Variants in ATP2C2 observed in about 807,000 individuals in gnomAD.
ATP2C2 encodes ATPase secretory pathway Ca2+ transporting 2, also known as calcium-transporting ATPase type 2C member 2.
In ATP2C2, 171 loss-of-function variants were observed where a neutral mutation model predicts 110.8. That is an observed-to-expected ratio of 1.54 (90% confidence interval 1.36 to 1.75). The LOEUF is 1.75. Ranked by LOEUF, ATP2C2 falls within the 40% of genes most tolerant of loss-of-function variation. The pLI is 0.00. For synonymous variants in ATP2C2, 804 were observed against 508.4 expected (o/e 1.58, Z -7.82); for missense variants, 1,963 against 1,235.0 (o/e 1.59, Z -8.84).
chr16:84,453,477 G>A (rs965171221), intron 20 of ATP2C2, 106 bp downstream of exon 20: 19 of 1,451,070 alleles, frequency 1.3e-5, no homozygotes, highest in African/African-American at 4.2e-5. Flanking sequence ...GGGCCCGACC[G>A]TGGCTTCCTT....
chr16:84,412,006 T>A (rs1231489646), intron 6 of ATP2C2, among the ~76,000 whole-genome samples: 1 of 151,154 alleles, frequency 6.6e-6, no homozygotes, highest in African/African-American at 2.5e-5. Context: ...TCTTTCTTTT[T>A]CTTTTTGTTG....
intron 3 of ATP2C2, among the ~76,000 whole-genome samples, chr16:84,407,657 A>G (rs1905895316): frequency 6.6e-6 from 1 of 152,036 alleles, no homozygotes; most frequent in Admixed American, 6.6e-5. Context: ...TTTTTTGTAA[A>G]GATGGGATTT....
rs1911649340 is a variant in ATP2C2 at position 84,463,814 on chromosome 16, A to G, written c.*82A>G. On this transcript the variant is annotated 3_prime_UTR_variant, in exon 27 of 27. Coordinates refer to ENST00000262429, the MANE Select transcript of ATP2C2 (RefSeq NM_014861.4). Reference sequence around the variant, plus strand: ...CCCTGCCGTGTCTCCTCGTCAGGGGAGACTTTTAGGAGGCCGCAGCCTTCC... The same window carrying G: ...CCCTGCCGTGTCTCCTCGTCAGGGGGGACTTTTAGGAGGCCGCAGCCTTCC... 2.3e-6 allele frequency: 3 copies of G among 1,286,690 alleles called. No individual in the cohort carries two copies. The highest frequency in any genetic ancestry group is 3.4e-6 in the Non-Finnish European group (3 of 891,652). 79.7% of individuals were successfully genotyped at this position (1,286,690 alleles called of 1,614,324 possible).
rs1371388574 is a variant in ATP2C2 at position 84,408,408 on chromosome 16, A to C, written c.331A>C (p.Lys111Gln). 1 of 1,613,792 alleles carries C rather than the reference A, an allele frequency of 6.2e-7. No homozygotes were observed. The highest frequency in any genetic ancestry group is 1.1e-5 in the South Asian group (1 of 91,070). The change falls in exon 4 of 27, where the codon AAG becomes CAG. Residue 111 changes from lysine (K) to glutamine (Q), a missense_variant. Physicochemically the swap from Lys to Gln is moderately conservative, Grantham distance 53 (BLOSUM62 1). Transcript: ENST00000262429. ...CACCCTGTTATTTCCTCTTCAGTTT[A>C]AGAACCCCCTGATCCTGCTGCTGCT... ...PVWKKYLDQF[K>Q]NPLILLLLGS...
At chr16:84,451,359 A>G (rs1910243495) in intron 17 of ATP2C2, among the ~76,000 whole-genome samples, 1 of 152,198 alleles carries the variant, frequency 6.6e-6, no homozygotes, top group Non-Finnish European at 1.5e-5. Context: ...GACACAGCCA[A>G]ACCATATCAA....
chr16:84,454,733 C>G lies in ATP2C2; in HGVS notation c.1981-85C>G, dbSNP rs1301888555. The G allele has an allele frequency of 4.3e-6, 6 of 1,398,940 alleles. No individual in the cohort carries two copies. The African/African-American group carries it at 7.3e-5, about 17-fold the overall frequency. 86.7% of individuals were successfully genotyped at this position (1,398,940 alleles called of 1,614,324 possible). ...CCGGGTGCCCTCCAGACAGAGGTGT[C>G]TGTGGCTGGCCACAGGGTGTGCATG... On this transcript the variant is annotated intron_variant, in intron 20 of 26. Transcript: ENST00000262429.
chr16:84,374,010 G>A (rs1219892403), intron 1 of ATP2C2, among the ~76,000 whole-genome samples: 1 of 152,194 alleles, frequency 6.6e-6, no homozygotes, highest in Admixed American at 6.5e-5. Context: ...CAATTTTAAG[G>A]CTGTCATCTG....
intron 26 of ATP2C2, 38 bp downstream of exon 26, chr16:84,462,167 C>T (rs1484604393): frequency 1.3e-6 from 2 of 1,592,376 alleles, no homozygotes; most frequent in Non-Finnish European, 1.7e-6. Context: ...TGACCTCGAC[C>T]AGGGCCATGG....
intron 16 of ATP2C2, 41 bp downstream of exon 16, chr16:84,446,471 C>CG: frequency 1.4e-6 from 2 of 1,439,654 alleles, no homozygotes; most frequent in Non-Finnish European, 1.9e-6. Flanking sequence ...TCTTTCTGCC[C>CG]GGGCCCCCAC....
intron 11 of ATP2C2, among the ~76,000 whole-genome samples, chr16:84,426,472 C>G (rs1310936316): frequency 6.6e-6 from 1 of 152,102 alleles, no homozygotes; most frequent in Non-Finnish European, 1.5e-5. Context: ...GGGTTTGGGT[C>G]TTTCTGGCTA....
rs767896887 is a variant in ATP2C2 at position 84,453,142 on chromosome 16, A to G, written c.1836A>G (p.Arg612=). 50 of 1,610,384 alleles carry G rather than the reference A, an allele frequency of 3.1e-5. No individual in the cohort carries two copies. The highest frequency in any genetic ancestry group is 3.3e-4 in the Middle Eastern group (2 of 6,056). Residue 612 remains arginine, a synonymous_variant, in exon 19 of 27, where the codon AGA becomes AGG. Coordinates refer to ENST00000262429, the MANE Select transcript of ATP2C2 (RefSeq NM_014861.4). ...DALETALAIG[R]NIGLCNGKLQ... is the part of the protein sequence containing the mutation. Reference sequence around the variant, plus strand: ...TCAGAACAGGTTCTTCTGAAGGAAGAAACATCGGCCTGTGCAACGGGAAGC... The same window carrying G: ...TCAGAACAGGTTCTTCTGAAGGAAGGAACATCGGCCTGTGCAACGGGAAGC...
In ATP2C2 at chr16:84,439,241, G is replaced by A. The variant is rs1278380337; in HGVS notation, c.1062G>A (p.Met354Ile). Residue 354 changes from methionine to isoleucine, a missense_variant, in exon 12 of 27, where the codon ATG becomes ATA. By Grantham distance (10) the Met-to-Ile change is conservative. Coordinates refer to ENST00000262429, the MANE Select transcript of ATP2C2 (RefSeq NM_014861.4). Reference protein sequence around the residue: ...MVTLVLGVLRMAKKRVIVKKL... With the variant: ...MVTLVLGVLRIAKKRVIVKKL... Reference sequence around the variant, plus strand: ...CGCTGGTCCTGGGAGTGCTGCGGATGGCCAAGAAGCGGGTCATCGTGAAGA... The same window carrying A: ...CGCTGGTCCTGGGAGTGCTGCGGATAGCCAAGAAGCGGGTCATCGTGAAGA... 6.2e-7 allele frequency: 1 copy of A among 1,612,388 alleles called. No homozygotes were observed.
At chr16:84,407,855 A>T (rs868023468) in intron 3 of ATP2C2, among the ~76,000 whole-genome samples, 1 of 152,134 alleles carries the variant, frequency 6.6e-6, no homozygotes, top group South Asian at 2.1e-4. Flanking sequence ...TTTCTTTTCA[A>T]TCCTCTGTAA....
chr16:84,423,153 C>G (rs1467931768), intron 9 of ATP2C2, 35 bp from the exon 10 acceptor site: 1 of 1,578,908 alleles, frequency 6.3e-7, no homozygotes, highest in African/African-American at 1.4e-5. Flanking sequence ...AAGCTAGGAT[C>G]TTGTCCAACT....
chr16:84,463,790 C>T lies in ATP2C2; in HGVS notation c.*58C>T. The T allele has an allele frequency of 6.9e-7, 1 of 1,442,022 alleles. No individual in the cohort carries two copies. Among genetic ancestry groups the T allele is most frequent in the Non-Finnish European group, 9.8e-7 (1 of 1,025,344 alleles). The allele number at this position is 1,442,022 out of a possible 1,614,324, so 89.3% of individuals were successfully genotyped here. A position where few individuals can be genotyped will look rare whatever the true frequency, so the allele number is the denominator to read the frequency against. On this transcript the variant is annotated 3_prime_UTR_variant, in exon 27 of 27. Transcript: ENST00000262429. ...TCTCGATCTGGTTGTGACTGTGGCC[C>T]CTGCCGTGTCTCCTCGTCAGGGGAG...
At chr16:84,431,774 A>G (rs1245768425) in intron 11 of ATP2C2, among the ~76,000 whole-genome samples, 2 of 152,136 alleles carry the variant, frequency 1.3e-5, no homozygotes, top group East Asian at 1.9e-4. Flanking sequence ...GCCTTTCCCA[A>G]TACGCCACGC....
Position 84,459,160 on chromosome 16 carries a change from A to T in ATP2C2, c.2188A>T (p.Lys730Ter). Reference sequence around the variant, plus strand: ...AGGCAAGGGTATTTTTTACAACATCAAAAACTTTGTCCGATTCCAGCTGAG... The same window carrying T: ...AGGCAAGGGTATTTTTTACAACATCTAAAACTTTGTCCGATTCCAGCTGAG... ...EEGKGIFYNI[K>*]NFVRFQLSTS... The change falls in exon 22 of 27, where the codon AAA becomes TAA. Residue 730 changes from lysine (K) to a stop codon, truncating the protein, a stop_gained. Transcript: ENST00000262429. LOFTEE classifies it high-confidence loss of function. 2.5e-6 allele frequency: 4 copies of T among 1,614,162 alleles called. No homozygotes were observed. Among genetic ancestry groups the T allele is most frequent in the Non-Finnish European group, 3.4e-6 (4 of 1,180,032 alleles).
chr16:84,374,724 G>T (rs1910154669), intron 1 of ATP2C2, among the ~76,000 whole-genome samples: 1 of 152,090 alleles, frequency 6.6e-6, no homozygotes. Context: ...TGTAGATTTG[G>T]TATTTCTCCT....
Position 84,368,681 on chromosome 16 carries a change from C to G in ATP2C2, c.66C>G (p.Tyr22Ter). Residue 22 changes from tyrosine (Y) to a stop codon, truncating the protein, a stop_gained, in exon 1 of 27, where the codon TAC becomes TAG. Coordinates refer to ENST00000262429, the MANE Select transcript of ATP2C2 (RefSeq NM_014861.4). LOFTEE classifies it high-confidence loss of function. Reference protein sequence around the residue: ...KLGFSGGGRQYQALEKDEEEA... With the variant: ...KLGFSGGGRQ ...GCTTCTCGGGCGGGGGCCGCCAGTA[C>G]CAGGCGCTGGAGAAGGACGAAGAGG... is the stretch of plus-strand genomic sequence containing the variant. 2.6e-6 allele frequency: 4 copies of G among 1,557,494 alleles called. No individual in the cohort carries two copies. Among genetic ancestry groups the G allele is most frequent in the Non-Finnish European group, 3.5e-6 (4 of 1,154,398 alleles).
Sources: gnomAD v4.1 joint callset for allele counts (sites outside exome capture counted in the v4.1 genomes callset) on GRCh38, gnomAD v4.1.1 for gene constraint, MANE v1.5 for transcripts, NCBI Gene and HGNC (gene_info 2026-07-23, HGNC 2026-07-21) for gene names.